USP13: variants seen among roughly 807,000 people sequenced by gnomAD.
USP13 encodes ubiquitin carboxyl-terminal hydrolase 13.
In USP13, 68 loss-of-function variants were observed where a neutral mutation model predicts 107.8. That is an observed-to-expected ratio of 0.63 (90% CI 0.52 to 0.77). USP13 has a LOEUF of 0.77. Ranked by LOEUF, USP13 falls within the 30% of genes least tolerant of loss-of-function variation. The pLI is 0.00. For synonymous variants in USP13, 377 were observed against 389.5 expected (o/e 0.97, Z 0.38); for missense variants, 945 against 1,093.3 (o/e 0.86, Z 1.91).
At chr3:179,701,957 G>A (rs947243627) in intron 4 of USP13, among the ~76,000 whole-genome samples, 1 of 152,060 alleles carries the variant, frequency 6.6e-6, no homozygotes, top group Non-Finnish European at 1.5e-5. Context: ...CTCATTTCTT[G>A]TATTGCCTGT....
intron 2 of USP13, among the ~76,000 whole-genome samples, chr3:179,686,410 C>T (rs1054332185): frequency 8.5e-5 from 13 of 152,082 alleles, no homozygotes; most frequent in African/African-American, 1.7e-4. Flanking sequence ...AGTGAGACTC[C>T]GTCTTGACAA....
In USP13 at chr3:179,653,206, C is replaced by T; in HGVS notation, c.-20C>T. On this transcript the variant is annotated 5_prime_UTR_variant, in exon 1 of 21. Transcript: ENST00000263966. This position sits in a 1 kb window ranked among gnomAD's most constrained non-coding sequence, Gnocchi z 4.0. ...TCCGGCTCCGGCTCGGCTCGCTCGG[C>T]TCCGGTGCGCGCCGAGGCCATGCAG... 2 of 1,477,306 alleles carry T rather than the reference C, an allele frequency of 1.4e-6. No homozygotes were observed. The highest frequency in any genetic ancestry group is 2.9e-5 in the East Asian group (1 of 34,506). 91.5% of individuals were successfully genotyped at this position (1,477,306 alleles called of 1,614,324 possible).
At chr3:179,765,646 C>T in intron 18 of USP13, 49 bp from the exon 19 acceptor site, 1 of 1,598,538 alleles carries the variant, frequency 6.3e-7, no homozygotes, top group Non-Finnish European at 8.5e-7. Flanking sequence ...CATAGTGAGG[C>T]CTGAGGCTGC....
intron 3 of USP13, among the ~76,000 whole-genome samples, chr3:179,694,491 A>G (rs1462002339): frequency 6.6e-6 from 1 of 151,700 alleles, no homozygotes; most frequent in African/African-American, 2.4e-5. Context: ...TCACATCCTG[A>G]TTCTGGAAAG....
intron 6 of USP13, among the ~76,000 whole-genome samples, chr3:179,719,584 C>G (rs958271644): frequency 6.6e-6 from 1 of 152,198 alleles, no homozygotes; most frequent in Admixed American, 6.5e-5. Context: ...GCCCATCCCT[C>G]TTCCTGAGCT....
chr3:179,675,630 C>T (rs1720872125), intron 1 of USP13, among the ~76,000 whole-genome samples: 1 of 151,796 alleles, frequency 6.6e-6, no homozygotes, highest in African/African-American at 2.4e-5. Flanking sequence ...TCACTGCAAC[C>T]CCTGCCTCCC....
chr3:179,771,725 G>A (rs1190650490), intron 19 of USP13, among the ~76,000 whole-genome samples: 1 of 152,130 alleles, frequency 6.6e-6, no homozygotes, highest in African/African-American at 2.4e-5. Flanking sequence ...TTATGAAGTG[G>A]AAAAAAGCTA....
At chr3:179,695,809 A>T (rs916129407) in intron 3 of USP13, among the ~76,000 whole-genome samples, 3 of 152,152 alleles carry the variant, frequency 2.0e-5, no homozygotes, top group Admixed American at 6.5e-5. Flanking sequence ...TTGTCTATAC[A>T]TAAGTAATGC....
intron 1 of USP13, among the ~76,000 whole-genome samples, chr3:179,654,771 C>T (rs981018991): frequency 2.0e-5 from 3 of 152,146 alleles, no homozygotes. Context: ...CCAAAGTTTC[C>T]TTTATTATCT....
chr3:179,765,351 T>G (rs898682908), intron 18 of USP13, among the ~76,000 whole-genome samples: 2 of 152,250 alleles, frequency 1.3e-5, no homozygotes, highest in African/African-American at 4.8e-5. Context: ...AGAGCTGCAC[T>G]TAAACAAATG....
intron 3 of USP13, among the ~76,000 whole-genome samples, chr3:179,690,543 A>G (rs1712078961): frequency 6.6e-6 from 1 of 152,152 alleles, no homozygotes; most frequent in South Asian, 2.1e-4. Flanking sequence ...GAGAGTAATT[A>G]TAATTCTGCT....
At chr3:179,694,799 C>CAAAAAAAAAAAAAA (rs576517737) in intron 3 of USP13, among the ~76,000 whole-genome samples, 1 of 82,162 alleles carries the variant, frequency 1.2e-5, no homozygotes, top group African/African-American at 4.7e-5. Flanking sequence ...AACTCCATCT[C>CAAAAAAAAAAAAAA]AAAAAAAAAA....
intron 19 of USP13, among the ~76,000 whole-genome samples, chr3:179,773,179 C>T (rs898440487): frequency 6.6e-6 from 1 of 152,086 alleles, no homozygotes; most frequent in African/African-American, 2.4e-5. Flanking sequence ...AAAAGCATAT[C>T]CCAGATAAAT....
At chr3:179,757,929 A>G (rs1714862117) in intron 16 of USP13, among the ~76,000 whole-genome samples, 1 of 152,214 alleles carries the variant, frequency 6.6e-6, no homozygotes, top group African/African-American at 2.4e-5. Context: ...CCCACTGCGA[A>G]TAATCTAATT....
At chr3:179,688,483 C>T (rs61316491) in intron 2 of USP13, among the ~76,000 whole-genome samples, 1,525 of 152,262 alleles carry the variant, frequency 0.01, 27 homozygotes, top group African/African-American at 0.035. Flanking sequence ...AGTCTGAGCT[C>T]CAGCATAGAA....
At chr3:179,658,431 A>C (rs970808325) in intron 1 of USP13, among the ~76,000 whole-genome samples, 5 of 148,482 alleles carry the variant, frequency 3.4e-5, no homozygotes, top group Admixed American at 3.3e-4. Flanking sequence ...TCTTGTGCTA[A>C]TTCTGCCCCC....
chr3:179,751,196 G>A (rs938225590), intron 13 of USP13, among the ~76,000 whole-genome samples: 2 of 152,204 alleles, frequency 1.3e-5, no homozygotes, highest in African/African-American at 4.8e-5. Flanking sequence ...ACTAGGGTAT[G>A]AATTTGGTGT....
chr3:179,702,383 A>T (rs901782487), intron 4 of USP13, among the ~76,000 whole-genome samples: 1 of 152,230 alleles, frequency 6.6e-6, no homozygotes, highest in African/African-American at 2.4e-5. Context: ...GCCTGGCCAC[A>T]GATGGCAGTG....
intron 7 of USP13, among the ~76,000 whole-genome samples, chr3:179,720,956 G>C (rs745367573): frequency 5.7e-4 from 87 of 151,742 alleles, no homozygotes; most frequent in African/African-American, 2.1e-3. Flanking sequence ...CTAAAGGCAT[G>C]TGCCACCACA....
Sources: allele counts gnomAD v4.1 joint callset (sites outside exome capture counted in the v4.1 genomes callset), GRCh38; gene constraint gnomAD v4.1.1; non-coding constraint Gnocchi (gnomAD v3.1); transcripts MANE v1.5; gene names NCBI Gene and HGNC (gene_info 2026-07-23, HGNC 2026-07-21).